Variants in HPCAL1 observed in about 807,000 individuals in gnomAD.
HPCAL1 encodes hippocalcin-like protein 1.
A neutral mutation model predicts 17.1 loss-of-function variants in HPCAL1; 8 were observed. The ratio of observed to expected loss-of-function variants is 0.47; its 90% CI spans 0.27 to 0.84. The LOEUF (loss-of-function observed/expected upper bound fraction) is 0.84, where lower values mean the gene tolerates loss of function less well. HPCAL1 is among the 40% of genes least tolerant of loss of function. The pLI is 0.13. For synonymous variants in HPCAL1, 112 were observed against 111.4 expected, an observed-to-expected ratio of 1.01 and a Z score of -0.03; for missense variants, 165 against 271.1, an observed-to-expected ratio of 0.61 and a Z score of 2.75.
intron 1 of HPCAL1, among the ~76,000 whole-genome samples, chr2:10,381,151 T>A (rs1175601605): frequency 1.3e-5 from 2 of 152,182 alleles, no homozygotes; most frequent in Non-Finnish European, 2.9e-5. Flanking sequence ...GTCTGAGGTG[T>A]GCAGGTGCCC....
chr2:10,368,165 TGC>T lies in HPCAL1; in HGVS notation c.-110-28669_-110-28668del, dbSNP rs781439104. 5.8e-3 allele frequency among the ~76,000 whole-genome samples: 879 copies of T among 151,700 alleles called. 7 individuals carry two copies. Among genetic ancestry groups the T allele is most frequent in the Non-Finnish European group, 0.01 (680 of 67,862 alleles). ...ACACGTGCATGTGTAGGTGTGTGTG[TGC>T]ATTGTGTGTAGGTTTGTGCATGTGT... On this transcript the variant is annotated intron_variant, in intron 1 of 4. Transcript: ENST00000307845.
rs1238050799 is a variant in HPCAL1 at position 10,363,328 on chromosome 2, G to A, written c.-110-33507G>A. ...TATTTCTGACTCCTGGAGCTCCACG[G>A]TGTGACAGGTGGGCAGGAGCTGCTG... is the stretch of plus-strand genomic sequence containing the variant. On this transcript the variant is annotated intron_variant, in intron 1 of 4. Transcript: ENST00000307845. This position sits in a 1 kb window ranked among gnomAD's most constrained non-coding sequence, Gnocchi z 4.7. Among the ~76,000 whole-genome samples the A allele has an allele frequency of 6.6e-6, 1 of 152,154 alleles. No homozygotes were observed.
intron 2 of HPCAL1, among the ~76,000 whole-genome samples, chr2:10,409,593 C>T (rs796589733): frequency 1.5e-4 from 23 of 152,194 alleles, no homozygotes; most frequent in African/African-American, 5.3e-4. Flanking sequence ...GGAGAAAGAA[C>T]TGGGTTGGGT....
intron 1 of HPCAL1, among the ~76,000 whole-genome samples, chr2:10,327,490 A>T (rs1664087532): frequency 6.6e-6 from 1 of 152,224 alleles, no homozygotes; most frequent in South Asian, 2.1e-4. Flanking sequence ...GTTTCCTGAC[A>T]TGCAAATCAT....
intron 1 of HPCAL1, among the ~76,000 whole-genome samples, chr2:10,321,313 A>G (rs1415612577): frequency 6.6e-6 from 1 of 152,112 alleles, no homozygotes; most frequent in South Asian, 2.1e-4. Context: ...ATCCACCCAC[A>G]TGATCCAGTC....
At chr2:10,378,843 A>G (rs1226338896) in intron 1 of HPCAL1, among the ~76,000 whole-genome samples, 1 of 152,156 alleles carries the variant, frequency 6.6e-6, no homozygotes, top group Admixed American at 6.5e-5. Context: ...GAAAATACAG[A>G]AACAATTATA....
In HPCAL1 at chr2:10,362,273, G is replaced by C. The variant is rs534635302; in HGVS notation, c.-110-34562G>C. On this transcript the variant is annotated intron_variant, in intron 1 of 4. Transcript: ENST00000307845. The surrounding 1 kb of genome is among the most constrained non-coding windows in gnomAD (Gnocchi z 5.0). ...AACGGAGCTTCGGAACCCAGGTGTC[G>C]AGAATGAGCTGTTGGCACTCAGTCC... Among the ~76,000 whole-genome samples, 1 of 152,066 alleles carries C rather than the reference G, an allele frequency of 6.6e-6. No homozygotes were observed. The highest frequency in any genetic ancestry group is 2.4e-5 in the African/African-American group (1 of 41,390).
Position 10,399,528 on chromosome 2 carries a change from ACTG to A in HPCAL1, c.-25+2610_-25+2612del, listed in dbSNP as rs1161096580. 3.0e-3 allele frequency among the ~76,000 whole-genome samples: 334 copies of A among 112,288 alleles called. 9 individuals carry two copies. The highest frequency in any genetic ancestry group is 9.9e-3 in the Middle Eastern group (2 of 202). 73.7% of individuals were successfully genotyped at this position (112,288 alleles called of 152,430 possible). A position where few individuals can be genotyped will look rare whatever the true frequency, so the allele number is the denominator to read the frequency against. ...CACCACCACCGCCGCCACCACCGCC[ACTG>A]CCACCGCCACCATCACCGCCACCAC... On this transcript the variant is annotated intron_variant, in intron 2 of 4. Coordinates refer to ENST00000307845, the MANE Select transcript of HPCAL1 (RefSeq NM_002149.4).
chr2:10,331,822 G>A lies in HPCAL1; in HGVS notation c.-111+28645G>A, dbSNP rs1185231775. ...TGTGGTGGCCCCAGCTGGGCTTGCTGCCTGTGTGTGGTGAGGGTGCCCTTC... is the reference window on the plus strand; with the variant it reads ...TGTGGTGGCCCCAGCTGGGCTTGCTACCTGTGTGTGGTGAGGGTGCCCTTC... On this transcript the variant is annotated intron_variant, in intron 1 of 4. Transcript: ENST00000307845. This position sits in a 1 kb window ranked among gnomAD's most constrained non-coding sequence, Gnocchi z 5.0. Among the ~76,000 whole-genome samples the A allele has an allele frequency of 6.6e-6, 1 of 152,150 alleles. No homozygotes were observed. The highest frequency in any genetic ancestry group is 2.4e-5 in the African/African-American group (1 of 41,420).
At chr2:10,336,344 C>G (rs1296773699) in intron 1 of HPCAL1, among the ~76,000 whole-genome samples, 2 of 152,280 alleles carry the variant, frequency 1.3e-5, no homozygotes, top group Non-Finnish European at 1.5e-5. Context: ...AATCCTTTGT[C>G]AGTTCATGCT....
rs1474032562 is a variant in HPCAL1 at position 10,344,839 on chromosome 2, CTG to C, written c.-111+41670_-111+41671del. On this transcript the variant is annotated intron_variant, in intron 1 of 4. Transcript: ENST00000307845. The surrounding 1 kb of genome is among the most constrained non-coding windows in gnomAD (Gnocchi z 4.9). The stretch of plus-strand genomic sequence containing the variant: ...TGTGTCTGTCTCTGTCTCTCTCTTT[CTG>C]TGTGTGTCTCTCTCTGTGCCTTTCA... Among the ~76,000 whole-genome samples the C allele has an allele frequency of 6.6e-6, 1 of 151,644 alleles. No homozygotes were observed. The highest frequency in any genetic ancestry group is 1.5e-5 in the Non-Finnish European group (1 of 67,932).
chr2:10,334,695 C>CTTTTTCTTTTTTTTTTTT (rs1553342211), intron 1 of HPCAL1, among the ~76,000 whole-genome samples: 6 of 146,326 alleles, frequency 4.1e-5, no homozygotes, highest in African/African-American at 1.5e-4. Context: ...ATTCCATTGA[C>CTTTTTCTTTTTTTTTTTT]TTTTTTTTGA....
In HPCAL1 at chr2:10,323,662, A is replaced by G. The variant is rs894493227; in HGVS notation, c.-111+20485A>G. On this transcript the variant is annotated intron_variant, in intron 1 of 4. Coordinates refer to ENST00000307845, the MANE Select transcript of HPCAL1 (RefSeq NM_002149.4). This position sits in a 1 kb window ranked among gnomAD's most constrained non-coding sequence, Gnocchi z 4.6. ...CTCTAATGAAAATAATAAAAGCTCA[A>G]ATGACCAGCACTGTCCTACTGCTTT... is the stretch of plus-strand genomic sequence containing the variant. Among the ~76,000 whole-genome samples the G allele has an allele frequency of 6.6e-6, 1 of 152,178 alleles. No homozygotes were observed. Among genetic ancestry groups the G allele is most frequent in the African/African-American group, 2.4e-5 (1 of 41,444 alleles).
At position 10,359,474 on chromosome 2, in the gene HPCAL1, T is replaced by C. The variant is rs1666389238; in HGVS notation, c.-110-37361T>C. 6.6e-6 allele frequency among the ~76,000 whole-genome samples: 1 copy of C among 152,262 alleles called. No homozygotes were observed. Among genetic ancestry groups the C allele is most frequent in the African/African-American group, 2.4e-5 (1 of 41,472 alleles). ...CTGCAGGCCCCGGCCTCATGGCCTCTGTGACAGCAGCAGGATTAGAGGCAG... is the reference window on the plus strand; with the variant it reads ...CTGCAGGCCCCGGCCTCATGGCCTCCGTGACAGCAGCAGGATTAGAGGCAG... On this transcript the variant is annotated intron_variant, in intron 1 of 4. Coordinates refer to ENST00000307845, the MANE Select transcript of HPCAL1 (RefSeq NM_002149.4). The surrounding 1 kb of genome is among the most constrained non-coding windows in gnomAD (Gnocchi z 4.1).
chr2:10,397,049 G>C (rs1191023214), intron 2 of HPCAL1, 129 bp downstream of exon 2: 1 of 152,414 alleles, frequency 6.6e-6, no homozygotes, highest in East Asian at 1.9e-4. Context: ...GAAAGAGCAG[G>C]GAAGACTGGG....
At chr2:10,303,626 C>G (rs1407230296) in intron 1 of HPCAL1, 1 of 121,616 alleles carries the variant, frequency 8.2e-6, no homozygotes, top group Non-Finnish European at 1.7e-5. Flanking sequence ...ACCCGACGGG[C>G]AAGGGCGGGC....
intron 1 of HPCAL1, among the ~76,000 whole-genome samples, chr2:10,316,786 G>T (rs968518424): frequency 3.3e-5 from 5 of 152,194 alleles, no homozygotes; most frequent in African/African-American, 1.2e-4. Context: ...CTCAGTGGCT[G>T]CTTGCTGTTT....
intron 1 of HPCAL1, among the ~76,000 whole-genome samples, chr2:10,338,937 T>C (rs1256693301): frequency 6.6e-6 from 1 of 152,154 alleles, no homozygotes. Flanking sequence ...TGTAACTAAG[T>C]GCTTTACTCC....
chr2:10,393,132 C>T (rs539667561), intron 1 of HPCAL1, among the ~76,000 whole-genome samples: 5 of 152,316 alleles, frequency 3.3e-5, no homozygotes, highest in Middle Eastern at 3.4e-3. Context: ...GTAAGACAAT[C>T]GCCAGACAGA....
Sources: allele counts gnomAD v4.1 joint callset (sites outside exome capture counted in the v4.1 genomes callset), GRCh38; gene constraint gnomAD v4.1.1; non-coding constraint Gnocchi (gnomAD v3.1); transcripts MANE v1.5; gene names NCBI Gene and HGNC (gene_info 2026-07-23, HGNC 2026-07-21).